MYH15: variants seen among roughly 807,000 people sequenced by gnomAD.
The protein encoded by MYH15 is myosin-15.
Under a neutral mutation model 240.5 loss-of-function variants are expected in MYH15, and 227 were observed. That is an observed-to-expected ratio of 0.94 (90% CI 0.85 to 1.05). The LOEUF is 1.05. MYH15 is among the 50% of genes least tolerant of loss of function. The pLI, the probability that MYH15 is intolerant of heterozygous loss-of-function variation, is 0.00. For synonymous variants in MYH15, 785 were observed against 796.7 expected, an observed-to-expected ratio of 0.99 and a Z score of 0.25; for missense variants, 2,217 against 2,247.5, an observed-to-expected ratio of 0.99 and a Z score of 0.27.
intron 38 of MYH15, among the ~76,000 whole-genome samples, chr3:108,386,253 C>T (rs1198108954): frequency 6.6e-6 from 1 of 152,232 alleles, no homozygotes; most frequent in Admixed American, 6.5e-5. Context: ...GCTGATGTTA[C>T]TGATGTCCCT....
intron 21 of MYH15, among the ~76,000 whole-genome samples, chr3:108,449,813 A>G (rs1176693887): frequency 1.3e-5 from 2 of 152,068 alleles, no homozygotes; most frequent in Non-Finnish European, 2.9e-5. Context: ...GGGAGAAAAT[A>G]TTTGCAAACT....
At chr3:108,392,001 T>C in intron 36 of MYH15, 71 bp from the exon 37 acceptor site, 1 of 1,532,422 alleles carries the variant, frequency 6.5e-7, no homozygotes, top group Non-Finnish European at 8.9e-7. Flanking sequence ...CCCATGATCT[T>C]TAGTTCCTGG....
chr3:108,455,683 A>G, intron 20 of MYH15, 53 bp downstream of exon 20: 1 of 1,586,666 alleles, frequency 6.3e-7, no homozygotes, highest in Non-Finnish European at 8.7e-7. Flanking sequence ...TTTAAGATAC[A>G]CAGTCTTCCC....
rs954000195 is a variant in MYH15, at chr3:108,441,238, A to G, written c.2678T>C (p.Val893Ala). The G allele has an allele frequency of 1.9e-6, 3 of 1,613,902 alleles. No homozygotes were observed. Among genetic ancestry groups the G allele is most frequent in the Non-Finnish European group, 2.5e-6 (3 of 1,179,960 alleles). ...LQAEQETLAN[V>A]EEQCEWLIKS... ...AATCAGCCACTCGCACTGCTCTTCA[A>G]CATTTGCCAGTGTCTCTTGCTCCTG... The change falls in exon 23 of 41, where the codon GTT becomes GCT. Residue 893 changes from valine (V) to alanine (A), a missense_variant. Physicochemically the swap from Val to Ala is moderately conservative, Grantham distance 64. Coordinates refer to ENST00000693548, the MANE Select transcript of MYH15 (RefSeq NM_014981.3).
chr3:108,420,789 G>A (rs947135456), intron 28 of MYH15, among the ~76,000 whole-genome samples: 1 of 152,184 alleles, frequency 6.6e-6, no homozygotes, highest in Non-Finnish European at 1.5e-5. Context: ...GTCATGACTA[G>A]TAGACTGTGG....
chr3:108,397,133 T>C (rs1282024249), intron 35 of MYH15, among the ~76,000 whole-genome samples: 2 of 152,214 alleles, frequency 1.3e-5, no homozygotes, highest in South Asian at 2.1e-4. Context: ...GCAAATCTGA[T>C]AACTTCACTC....
intron 32 of MYH15, among the ~76,000 whole-genome samples, chr3:108,406,809 T>C (rs902120102): frequency 1.3e-5 from 2 of 152,180 alleles, no homozygotes; most frequent in Non-Finnish European, 2.9e-5. Flanking sequence ...GGCCTTCCTG[T>C]CATTCTCACC....
At chr3:108,464,941 C>G (rs1300232475) in intron 14 of MYH15, 127 bp from the exon 15 acceptor site, 1 of 766,690 alleles carries the variant, frequency 1.3e-6, no homozygotes, top group Non-Finnish European at 2.0e-6. Flanking sequence ...CTGCATAAAA[C>G]TAGCAATCAT....
At chr3:108,504,219 T>A (rs144467891) in intron 2 of MYH15, among the ~76,000 whole-genome samples, 1 of 152,184 alleles carries the variant, frequency 6.6e-6, no homozygotes, top group Non-Finnish European at 1.5e-5. Context: ...TAAAATATTG[T>A]CCCAAGGCTA....
intron 28 of MYH15, 37 bp downstream of exon 28, chr3:108,421,051 G>A (rs1180152965): frequency 6.2e-7 from 1 of 1,612,312 alleles, no homozygotes; most frequent in Non-Finnish European, 8.5e-7. Context: ...TGCTGGGATT[G>A]AGAATTGCCT....
rs2082342921 is a variant in MYH15, at chr3:108,381,454, T to A, written c.*91A>T. The A allele has an allele frequency of 7.0e-7, 1 of 1,420,288 alleles. No homozygotes were observed. The highest frequency in any genetic ancestry group is 1.4e-5 in the African/African-American group (1 of 70,722). 88.0% of individuals were successfully genotyped at this position (1,420,288 alleles called of 1,614,324 possible). On this transcript the variant is annotated 3_prime_UTR_variant, in exon 41 of 41. Transcript: ENST00000693548. ...GTGAAAAGCAATTTAAACATGTTTT[T>A]AAAAATGTTTCCATGCAACCTAAGT...
At chr3:108,477,460 T>C (rs893581812) in intron 11 of MYH15, among the ~76,000 whole-genome samples, 2 of 152,178 alleles carry the variant, frequency 1.3e-5, no homozygotes, top group African/African-American at 4.8e-5. Context: ...AAAAGGTGAA[T>C]ATTATGGTGT....
chr3:108,482,151 C>T (rs1027694277), intron 11 of MYH15, among the ~76,000 whole-genome samples: 1 of 151,964 alleles, frequency 6.6e-6, no homozygotes. Context: ...AGAGAGGAGT[C>T]CAGGATGATT....
In MYH15 at chr3:108,401,894, A is replaced by G. The variant is rs188931291; in HGVS notation, c.4737-2627T>C. Among the ~76,000 whole-genome samples the G allele has an allele frequency of 4.1e-4, 62 of 152,362 alleles. No individual in the cohort carries two copies. The East Asian group carries it at 0.011, about 27-fold the overall frequency. On this transcript the variant is annotated intron_variant, in intron 33 of 40. Coordinates refer to ENST00000693548, the MANE Select transcript of MYH15 (RefSeq NM_014981.3). The stretch of plus-strand genomic sequence containing the variant: ...AAAACTCCCTCAAGTACATTCTTTA[A>G]GAAACATGATGCATTCAGGACCAAG...
chr3:108,401,169 T>C (rs888023576), intron 33 of MYH15, among the ~76,000 whole-genome samples: 3 of 152,080 alleles, frequency 2.0e-5, no homozygotes, highest in African/African-American at 7.2e-5. Context: ...CCACCAAAAT[T>C]TACACGTTCT....
At chr3:108,529,339 C>A, upstream of MYH15, 2 of 1,319,546 alleles carry the variant, frequency 1.5e-6, no homozygotes, top group Non-Finnish European at 2.2e-6. Context: ...ATTGAGGATC[C>A]GATGAGAGAA....
chr3:108,528,711 G>C (rs1387462217), intron 1 of MYH15, among the ~76,000 whole-genome samples: 1 of 152,172 alleles, frequency 6.6e-6, no homozygotes, highest in Non-Finnish European at 1.5e-5. Context: ...GGAAAAGAGA[G>C]ACGACTACAC....
intron 15 of MYH15, among the ~76,000 whole-genome samples, chr3:108,463,850 GGA>G (rs1576249435): frequency 6.6e-6 from 1 of 152,036 alleles, no homozygotes; most frequent in Non-Finnish European, 1.5e-5. Flanking sequence ...AAGAAAGGGG[GGA>G]GAGAGCAACA....
intron 1 of MYH15, among the ~76,000 whole-genome samples, chr3:108,526,661 A>T (rs935829610): frequency 6.6e-6 from 1 of 152,204 alleles, no homozygotes; most frequent in Non-Finnish European, 1.5e-5. Flanking sequence ...AAATTAGAAT[A>T]GATTTTAAAA....
Sources: allele counts gnomAD v4.1 joint callset (sites outside exome capture counted in the v4.1 genomes callset), GRCh38; gene constraint gnomAD v4.1.1; transcripts MANE v1.5; gene names NCBI Gene and HGNC (gene_info 2026-07-23, HGNC 2026-07-21).